KCNMA1: variants seen among roughly 807,000 people sequenced by gnomAD.
KCNMA1 encodes potassium calcium-activated channel subfamily M alpha 1, also known as Calcium-activated potassium channel subunit alpha-1.
In KCNMA1, 29 loss-of-function variants were observed where a neutral mutation model predicts 140.0. That is an observed-to-expected ratio of 0.21 (90% confidence interval 0.15 to 0.28). KCNMA1 has a LOEUF of 0.28. Ranked by LOEUF, KCNMA1 falls within the 10% of genes least tolerant of loss-of-function variation. The pLI is 1.00. For synonymous variants in KCNMA1, 612 were observed against 611.9 expected, an observed-to-expected ratio of 1.00 and a Z score of 0.00; for missense variants, 880 against 1,602.2, an observed-to-expected ratio of 0.55 and a Z score of 7.70.
intron 1 of KCNMA1, among the ~76,000 whole-genome samples, chr10:77,607,290 C>T (rs1225668631): frequency 6.6e-6 from 1 of 152,142 alleles, no homozygotes; most frequent in African/African-American, 2.4e-5. Context: ...ACCGATCTTC[C>T]TACCTCTGCT....
intron 2 of KCNMA1, among the ~76,000 whole-genome samples, chr10:77,367,529 G>A (rs2094439893): frequency 6.6e-6 from 1 of 152,100 alleles, no homozygotes; most frequent in Non-Finnish European, 1.5e-5. Context: ...TCTTGAATAA[G>A]AATCTGCACT....
At chr10:77,539,708 G>A (rs1417913343) in intron 1 of KCNMA1, among the ~76,000 whole-genome samples, 3 of 152,110 alleles carry the variant, frequency 2.0e-5, no homozygotes, top group East Asian at 3.9e-4. Context: ...CTTGGGTATC[G>A]CCCTCTCTCT....
At chr10:77,070,353 C>T (rs929508393) in intron 14 of KCNMA1, among the ~76,000 whole-genome samples, 10 of 152,124 alleles carry the variant, frequency 6.6e-5, no homozygotes, top group Non-Finnish European at 1.5e-4. Context: ...TGGATAGTCA[C>T]TGTGCTTCTG....
At chr10:77,602,844 G>C (rs2083094438) in intron 1 of KCNMA1, among the ~76,000 whole-genome samples, 1 of 152,226 alleles carries the variant, frequency 6.6e-6, no homozygotes. Flanking sequence ...CATTCTCAGA[G>C]CATGTCCAGG....
At chr10:77,571,990 A>C (rs1189762866) in intron 1 of KCNMA1, among the ~76,000 whole-genome samples, 1 of 152,192 alleles carries the variant, frequency 6.6e-6, no homozygotes, top group Non-Finnish European at 1.5e-5. Context: ...AGGGAGGAAA[A>C]AACGCACACG....
At chr10:77,626,957 C>T (rs1005603662) in intron 1 of KCNMA1, among the ~76,000 whole-genome samples, 1 of 152,068 alleles carries the variant, frequency 6.6e-6, no homozygotes, top group African/African-American at 2.4e-5. Flanking sequence ...TTCTTTTTTC[C>T]TTGGTGTCAA....
chr10:76,887,178 G>T lies in KCNMA1; in HGVS notation c.*88C>A. On this transcript the variant is annotated 3_prime_UTR_variant, in exon 28 of 28. Coordinates refer to ENST00000286628, the MANE Select transcript of KCNMA1 (RefSeq NM_001161352.2). ...AAAAAAAAAGGGGGGGACTACAGGG[G>T]AAAACAGGGAAAGTTACTTTGTTGG... is the stretch of plus-strand genomic sequence containing the variant. The T allele has an allele frequency of 6.2e-7, 1 of 1,612,586 alleles. No homozygotes were observed. The highest frequency in any genetic ancestry group is 8.5e-7 in the Non-Finnish European group (1 of 1,179,914).
intron 1 of KCNMA1, among the ~76,000 whole-genome samples, chr10:77,463,769 T>C (rs955987685): frequency 6.6e-6 from 1 of 151,952 alleles, no homozygotes; most frequent in African/African-American, 2.4e-5. Context: ...TGGGGAAGCA[T>C]AGGGGGTGGC....
At chr10:76,977,942 C>T (rs570672557) in intron 19 of KCNMA1, 2 of 375,346 alleles carry the variant, frequency 5.3e-6, no homozygotes, top group Non-Finnish European at 9.7e-6. Flanking sequence ...GCGAGAGCCC[C>T]GTACAAGACA....
chr10:76,923,435 A>G (rs10762737), intron 23 of KCNMA1, among the ~76,000 whole-genome samples: 55,742 of 150,576 alleles, frequency 0.37, 11,757 homozygotes, highest in Non-Finnish European at 0.49. Flanking sequence ...TCTCAAAAAA[A>G]AAAAAAAAAA....
intron 21 of KCNMA1, chr10:76,952,025 G>C: frequency 6.4e-7 from 1 of 1,551,376 alleles, no homozygotes; most frequent in East Asian, 2.4e-5. Flanking sequence ...TAGGATAGAA[G>C]TAGTAACTCA....
At chr10:77,078,899 T>C (rs1038851090) in intron 13 of KCNMA1, among the ~76,000 whole-genome samples, 2 of 152,218 alleles carry the variant, frequency 1.3e-5, no homozygotes, top group East Asian at 1.9e-4. Flanking sequence ...CGGGTTCCAA[T>C]AGACACTTCC....
At chr10:76,949,388 AAGAGTCAG>A (rs772608186) in intron 21 of KCNMA1, 22 bp from the exon 22 acceptor site, 1 of 1,595,378 alleles carries the variant, frequency 6.3e-7, no homozygotes, top group East Asian at 2.2e-5. Flanking sequence ...AGAAGTGGGT[AAGAGTCAG>A]AGAGAAGACT....
intron 3 of KCNMA1, among the ~76,000 whole-genome samples, chr10:77,195,052 T>C (rs2039986225): frequency 6.6e-6 from 1 of 152,102 alleles, no homozygotes; most frequent in Non-Finnish European, 1.5e-5. Context: ...TTGTTGTTGT[T>C]ATTGTTGTTG....
At chr10:77,044,404 A>G (rs1482650361) in intron 14 of KCNMA1, among the ~76,000 whole-genome samples, 1 of 152,126 alleles carries the variant, frequency 6.6e-6, no homozygotes, top group Non-Finnish European at 1.5e-5. Context: ...CCTGTATCCC[A>G]GCACTTTGGA....
intron 23 of KCNMA1, among the ~76,000 whole-genome samples, chr10:76,938,406 G>A (rs375104713): frequency 3.9e-5 from 6 of 152,284 alleles, no homozygotes; most frequent in African/African-American, 1.4e-4. Flanking sequence ...TGCATGTACA[G>A]TGACTCCTTC....
intron 20 of KCNMA1, among the ~76,000 whole-genome samples, chr10:76,960,624 T>TG (rs2070909764): frequency 2.8e-5 from 4 of 140,466 alleles, no homozygotes; most frequent in African/African-American, 7.7e-5. Flanking sequence ...TTTTGTTTTT[T>TG]TTTTTTTTTT....
rs1248024089 is a variant in KCNMA1 at position 76,885,632 on chromosome 10, C to T, written c.*1634G>A. On this transcript the variant is annotated 3_prime_UTR_variant, in exon 28 of 28. Coordinates refer to ENST00000286628, the MANE Select transcript of KCNMA1 (RefSeq NM_001161352.2). ...TCCTCCCTTTTACCCCTATTCTATT[C>T]GATGGAATTCTTTGAAGTAAAACTT... is the stretch of plus-strand genomic sequence containing the variant. 6 of 985,060 alleles carry T rather than the reference C, an allele frequency of 6.1e-6. No homozygotes were observed. Among genetic ancestry groups the T allele is most frequent in the South Asian group, 9.4e-5 (2 of 21,284 alleles). The allele number at this position is 985,060 out of a possible 1,614,324, so 61.0% of individuals were successfully genotyped here.
At chr10:77,244,503 C>T (rs2058109032) in intron 3 of KCNMA1, among the ~76,000 whole-genome samples, 1 of 152,166 alleles carries the variant, frequency 6.6e-6, no homozygotes, top group Non-Finnish European at 1.5e-5. Flanking sequence ...GATTTCCTCA[C>T]CAATGTGGAA....
Sources: gnomAD v4.1 joint callset for allele counts (sites outside exome capture counted in the v4.1 genomes callset) on GRCh38, gnomAD v4.1.1 for gene constraint, MANE v1.5 for transcripts, NCBI Gene and HGNC (gene_info 2026-07-23, HGNC 2026-07-21) for gene names.